Variants in CELF2 observed in about 807,000 individuals in gnomAD.
The protein encoded by CELF2 is CUG triplet repeat RNA-binding protein 2.
CELF2 carries 8 observed loss-of-function variants against 62.6 expected under a neutral mutation model. That is an observed-to-expected ratio of 0.13 (90% CI 0.07 to 0.23). The LOEUF (loss-of-function observed/expected upper bound fraction) is 0.23, where lower values mean the gene tolerates loss of function less well. Among genes scored for constraint, CELF2 ranks in the 10% least tolerant of loss-of-function variants. The pLI is 1.00. For missense variants in CELF2, 333 were observed against 671.0 expected (o/e 0.50, Z 5.56); for synonymous variants, 258 against 250.0 (o/e 1.03, Z -0.30).
chr10:11,067,352 G>T lies in CELF2; in HGVS notation c.74+49189G>T, dbSNP rs531098675. ...ATTTTTGAAGTGCCGGTAAAAGGCA[G>T]GTCGTCCATTGGGGAACTTTATTTC... On this transcript the variant is annotated intron_variant, in intron 1 of 12. Transcript: ENST00000633077. Among the ~76,000 whole-genome samples, 8 of 152,294 alleles carry T rather than the reference G, an allele frequency of 5.3e-5. No homozygotes were observed. In the South Asian group the frequency reaches 1.7e-3, roughly 32 times the overall value.
the CELF2 span, among the ~76,000 whole-genome samples, chr10:10,536,909 G>T: frequency 6.6e-6 from 1 of 152,220 alleles, no homozygotes; most frequent in East Asian, 1.9e-4. Context: ...ACAAGAAGCA[G>T]ACCTCTGAGG....
Position 11,165,741 on chromosome 10 carries a change from G to A in CELF2, c.271+59G>A. 1.3e-6 allele frequency: 2 copies of A among 1,483,984 alleles called. No individual in the cohort carries two copies. Among genetic ancestry groups the A allele is most frequent in the Admixed American group, 2.0e-5 (1 of 49,452 alleles). 91.9% of individuals were successfully genotyped at this position (1,483,984 alleles called of 1,614,324 possible). Reference sequence around the variant, plus strand: ...CAGGTGGGCGTCGCGGGGCACTGGGGCTGTCCGAGCCCCCAGCCTGCAGGA... The same window carrying A: ...CAGGTGGGCGTCGCGGGGCACTGGGACTGTCCGAGCCCCCAGCCTGCAGGA... On this transcript the variant is annotated intron_variant, in intron 2 of 12. Transcript: ENST00000633077. This position sits in a 1 kb window ranked among gnomAD's most constrained non-coding sequence, Gnocchi z 7.4.
Position 11,314,129 on chromosome 10 carries a change from C to A in CELF2, c.977-10C>A. The A allele has an allele frequency of 1.5e-6, 1 of 683,450 alleles. No homozygotes were observed. The highest frequency in any genetic ancestry group is 2.2e-6 in the Non-Finnish European group (1 of 454,932). 42.3% of individuals were successfully genotyped at this position (683,450 alleles called of 1,614,324 possible). A position where few individuals can be genotyped will look rare whatever the true frequency, so the allele number is the denominator to read the frequency against. ...CTTCTCTCCCCTTGTCTCTGTTTTCCTTTTTTCAGTGGCTGCTTCAACCCC... is the reference window on the plus strand; with the variant it reads ...CTTCTCTCCCCTTGTCTCTGTTTTCATTTTTTCAGTGGCTGCTTCAACCCC... On this transcript the variant is annotated splice_polypyrimidine_tract_variant and intron_variant, in intron 9 of 12. Transcript: ENST00000633077. The surrounding 1 kb of genome is among the most constrained non-coding windows in gnomAD (Gnocchi z 5.3).
chr10:10,899,312 G>C (rs2062771498), intron 1 of CELF2, among the ~76,000 whole-genome samples: 1 of 152,172 alleles, frequency 6.6e-6, no homozygotes, highest in Non-Finnish European at 1.5e-5. Flanking sequence ...TGATAAAATT[G>C]CCAAACAGAT....
At chr10:11,221,442 G>C (rs578111667) in intron 3 of CELF2, among the ~76,000 whole-genome samples, 1 of 152,324 alleles carries the variant, frequency 6.6e-6, no homozygotes, top group South Asian at 2.1e-4. Flanking sequence ...CTGAGGCCCA[G>C]AAAAACTACC....
intron 12 of CELF2, among the ~76,000 whole-genome samples, chr10:11,327,903 C>T (rs998703900): frequency 6.6e-6 from 1 of 152,102 alleles, no homozygotes; most frequent in African/African-American, 2.4e-5. Context: ...AGTATAGAAC[C>T]TTCCGAACAG....
intron 2 of CELF2, among the ~76,000 whole-genome samples, chr10:10,973,898 G>C (rs2051040924): frequency 6.6e-6 from 1 of 152,120 alleles, no homozygotes; most frequent in African/African-American, 2.4e-5. Context: ...TTGAGCCCCA[G>C]GGTCCTGCTG....
At chr10:10,875,570 G>A (rs146213932) in intron 1 of CELF2, among the ~76,000 whole-genome samples, 2,103 of 152,288 alleles carry the variant, frequency 0.014, 28 homozygotes, top group Middle Eastern at 0.037. Context: ...TTACTGTAGC[G>A]TAGGAGGGTT....
intron 1 of CELF2, among the ~76,000 whole-genome samples, chr10:11,072,113 G>A (rs934760013): frequency 1.3e-5 from 2 of 152,190 alleles, no homozygotes; most frequent in Non-Finnish European, 2.9e-5. Flanking sequence ...TGAAACAGAG[G>A]AAAGTTGATA....
At chr10:10,881,468 T>A (rs2208952) in intron 1 of CELF2, among the ~76,000 whole-genome samples, 45,251 of 152,048 alleles carry the variant, frequency 0.3, 7,749 homozygotes, top group East Asian at 0.67. Context: ...AAATATGAGA[T>A]ACTTCAAACT....
At chr10:11,185,779 G>A (rs143198334) in intron 2 of CELF2, among the ~76,000 whole-genome samples, 3 of 152,232 alleles carry the variant, frequency 2.0e-5, no homozygotes, top group African/African-American at 4.8e-5. Flanking sequence ...ATCTGTGTTC[G>A]GGAAGAATAT....
At chr10:11,142,246 G>T (rs141569281) in intron 1 of CELF2, among the ~76,000 whole-genome samples, 1 of 152,206 alleles carries the variant, frequency 6.6e-6, no homozygotes, top group Non-Finnish European at 1.5e-5. Context: ...ATTCTAGGGC[G>T]CAGAAGTGAA....
At chr10:10,692,084 A>G in the CELF2 span, among the ~76,000 whole-genome samples, 5 of 148,634 alleles carry the variant, frequency 3.4e-5, no homozygotes, top group South Asian at 2.2e-4. Context: ...GTCCTTGCCC[A>G]TGCTTATGTC....
intron 2 of CELF2, among the ~76,000 whole-genome samples, chr10:10,969,469 T>C (rs1447806921): frequency 6.6e-6 from 1 of 152,256 alleles, no homozygotes; most frequent in East Asian, 1.9e-4. Context: ...TGTAGATTAG[T>C]CTGTCTCTTT....
At chr10:10,569,843 G>A in the CELF2 span, among the ~76,000 whole-genome samples, 1 of 152,122 alleles carries the variant, frequency 6.6e-6, no homozygotes, top group Non-Finnish European at 1.5e-5. Context: ...GAAAACTCTG[G>A]ACATCAGGAG....
chr10:11,005,273 A>AGAGAGG, upstream of CELF2: 1 of 1,575,028 alleles, frequency 6.3e-7, no homozygotes. This position sits in a 1 kb window ranked among gnomAD's most constrained non-coding sequence, Gnocchi z 4.3. Context: ...AGAGAGAGAG[A>AGAGAGG]GAGAGAGAGA....
chr10:11,094,916 T>C, intron 1 of CELF2, among the ~76,000 whole-genome samples: 1 of 152,228 alleles, frequency 6.6e-6, no homozygotes, highest in Non-Finnish European at 1.5e-5. Flanking sequence ...TTTTCTACAT[T>C]AATTAATGTG....
At chr10:10,497,359 A>G in the CELF2 span, among the ~76,000 whole-genome samples, 1 of 152,206 alleles carries the variant, frequency 6.6e-6, no homozygotes, top group Non-Finnish European at 1.5e-5. Context: ...CATTCAGTTC[A>G]TGCAAAAATA....
At chr10:10,782,240 G>A in the CELF2 span, among the ~76,000 whole-genome samples, 10 of 152,334 alleles carry the variant, frequency 6.6e-5, no homozygotes, top group African/African-American at 9.6e-5. Context: ...TCTGCCAGCA[G>A]TGAACTGGCA....
Sources: gnomAD v4.1 joint callset for allele counts (sites outside exome capture counted in the v4.1 genomes callset) on GRCh38, gnomAD v4.1.1 for gene constraint, Gnocchi (gnomAD v3.1) non-coding constraint, MANE v1.5 for transcripts, NCBI Gene and HGNC (gene_info 2026-07-23, HGNC 2026-07-21) for gene names.